The following IL22RA1 variants were observed in gnomAD, a reference collection of about 807,000 sequenced individuals.
The protein encoded by IL22RA1 is interleukin-22 receptor subunit alpha-1.
IL22RA1 carries 25 observed loss-of-function variants against 32.8 expected under a neutral mutation model. The ratio of observed to expected loss-of-function variants is 0.76; its 90% CI spans 0.55 to 1.06. IL22RA1 has a LOEUF of 1.06. Among genes scored for constraint, IL22RA1 ranks in the 50% least tolerant of loss-of-function variants. The pLI is 0.00. For missense variants in IL22RA1, 709 were observed against 727.4 expected (o/e 0.97, Z 0.29); for synonymous variants, 305 against 305.0 (o/e 1.00, Z 0.00).
intron 1 of IL22RA1, among the ~76,000 whole-genome samples, chr1:24,140,905 C>T (rs1398229804): frequency 1.3e-5 from 2 of 152,256 alleles, no homozygotes; most frequent in African/African-American, 4.8e-5. Context: ...GACACGTCTA[C>T]GACTGCCAGT....
rs142059608 is a variant in IL22RA1 at position 24,142,965 on chromosome 1, G to A, written c.43+75C>T. ...AACTGGCTATGCTCGGGCTGGGGAG[G>A]GTGCTGGGGAGATGACCCTGATCGT... On this transcript the variant is annotated intron_variant, in intron 1 of 6. Transcript: ENST00000270800. 11,713 of 1,384,552 alleles carry A rather than the reference G, an allele frequency of 8.5e-3. 104 individuals carry two copies. Among genetic ancestry groups the A allele is most frequent in the Middle Eastern group, 0.02 (114 of 5,664 alleles). The allele number at this position is 1,384,552 out of a possible 1,614,324, so 85.8% of individuals were successfully genotyped here.
rs1644108260 is a variant in IL22RA1 at position 24,119,955 on chromosome 1, G to A, written c.*850C>T. 6.6e-6 allele frequency: 1 copy of A among 152,280 alleles called. No homozygotes were observed. The highest frequency in any genetic ancestry group is 1.5e-5 in the Non-Finnish European group (1 of 68,092). 9.4% of individuals were successfully genotyped at this position (152,280 alleles called of 1,614,324 possible). On this transcript the variant is annotated 3_prime_UTR_variant, in exon 7 of 7. Transcript: ENST00000270800. ...GTTTGAAGTCACACAGCTTGTGAGTGGTGAGGCTGGAATTTGAGCCCAGAT... is the reference window on the plus strand; with the variant it reads ...GTTTGAAGTCACACAGCTTGTGAGTAGTGAGGCTGGAATTTGAGCCCAGAT...
chr1:24,135,419 C>T (rs1644235006), intron 3 of IL22RA1, among the ~76,000 whole-genome samples: 1 of 151,996 alleles, frequency 6.6e-6, no homozygotes, highest in Non-Finnish European at 1.5e-5. Flanking sequence ...CTGAACAAGC[C>T]AGGTTAAAAA....
chr1:24,123,903 G>A (rs1644144375), intron 5 of IL22RA1, among the ~76,000 whole-genome samples: 1 of 152,202 alleles, frequency 6.6e-6, no homozygotes, highest in African/African-American at 2.4e-5. Flanking sequence ...ATAGCCACCT[G>A]TTGGTCATCC....
intron 5 of IL22RA1, among the ~76,000 whole-genome samples, chr1:24,127,313 C>CTT (rs763862843): frequency 1.4e-5 from 2 of 144,252 alleles, no homozygotes; most frequent in Admixed American, 6.9e-5. Flanking sequence ...GGGCAAGTCA[C>CTT]TTTTTTTTTT....
intron 6 of IL22RA1, among the ~76,000 whole-genome samples, chr1:24,122,311 G>A (rs1036087357): frequency 2.6e-5 from 4 of 151,280 alleles, no homozygotes; most frequent in Admixed American, 6.6e-5. Flanking sequence ...CGGCACTGGC[G>A]TCAGGTGGGG....
chr1:24,132,044 A>G (rs888212809), intron 4 of IL22RA1, among the ~76,000 whole-genome samples: 22 of 152,322 alleles, frequency 1.4e-4, no homozygotes, highest in African/African-American at 4.8e-4. Context: ...GGCTCCCCCA[A>G]CTACCGAAAG....
chr1:24,133,806 A>G (rs1644222558), intron 4 of IL22RA1, among the ~76,000 whole-genome samples: 1 of 152,246 alleles, frequency 6.6e-6, no homozygotes, highest in African/African-American at 2.4e-5. Context: ...AATTGATAAT[A>G]TACCTAATGC....
chr1:24,131,489 C>A (rs2148572893), intron 4 of IL22RA1, among the ~76,000 whole-genome samples: 1 of 152,238 alleles, frequency 6.6e-6, no homozygotes, highest in African/African-American at 2.4e-5. Context: ...ATAAAGTAGA[C>A]TTCAATACAA....
chr1:24,122,108 C>T (rs764955635), intron 6 of IL22RA1, among the ~76,000 whole-genome samples: 9 of 152,142 alleles, frequency 5.9e-5, no homozygotes, highest in Non-Finnish European at 1.0e-4. Flanking sequence ...GGGCCTAATA[C>T]AGGGTCAGGG....
intron 4 of IL22RA1, among the ~76,000 whole-genome samples, chr1:24,130,885 A>G (rs891981781): frequency 6.6e-6 from 1 of 152,102 alleles, no homozygotes; most frequent in Non-Finnish European, 1.5e-5. Flanking sequence ...TTGTATTTTT[A>G]GTAGAGATGG....
Position 24,121,580 on chromosome 1 carries a change from T to G in IL22RA1, c.950A>C (p.Gln317Pro). Residue 317 changes from glutamine to proline, a missense_variant, in exon 7 of 7, where the codon CAG (glutamine) becomes CCG (proline). Physicochemically the swap from Gln to Pro is moderately conservative, Grantham distance 76. Coordinates refer to ENST00000270800, the MANE Select transcript of IL22RA1 (RefSeq NM_021258.4). ...SGPREPAGAP[Q>P]RHSLSEITYL... ...GGTGATCTCGGACAGGCTATGCCGC[T>G]GTGGAGCTCCTGCGGGCTCCCTGGG... is the stretch of plus-strand genomic sequence containing the variant. 2 of 1,612,328 alleles carry G rather than the reference T, an allele frequency of 1.2e-6. No individual in the cohort carries two copies. The highest frequency in any genetic ancestry group is 2.2e-5 in the South Asian group (2 of 90,924).
At chr1:24,136,891 T>A (rs2148575000) in intron 3 of IL22RA1, among the ~76,000 whole-genome samples, 1 of 146,804 alleles carries the variant, frequency 6.8e-6, no homozygotes, top group East Asian at 2.0e-4. Context: ...AAGATAAGGG[T>A]GGTCTGAACT....
intron 4 of IL22RA1, among the ~76,000 whole-genome samples, chr1:24,130,333 G>A (rs1307139859): frequency 6.6e-6 from 1 of 152,154 alleles, no homozygotes; most frequent in Non-Finnish European, 1.5e-5. Context: ...AATGAGGGGA[G>A]AAAGCACAGA....
rs1182980211 is a variant in IL22RA1 at position 24,138,651 on chromosome 1, T to C, written c.107A>G (p.Glu36Gly). The C allele has an allele frequency of 6.2e-7, 1 of 1,614,064 alleles. No individual in the cohort carries two copies. The highest frequency in any genetic ancestry group is 1.3e-5 in the African/African-American group (1 of 74,920). ...QHVKFQSSNFENILTWDSGPE... is the reference protein window; with the variant it reads ...QHVKFQSSNFGNILTWDSGPE... The stretch of plus-strand genomic sequence containing the variant: ...CCCGCTGTCCCACGTCAGGATGTTT[T>C]CAAAGTTGCTGGACTGGAATTTCAC... The change falls in exon 2 of 7, where the codon GAA (glutamate) becomes GGA (glycine). Residue 36 changes from glutamate (E) to glycine (G), a missense_variant. Coordinates refer to ENST00000270800, the MANE Select transcript of IL22RA1 (RefSeq NM_021258.4).
chr1:24,133,485 T>C (rs773544023), intron 4 of IL22RA1, among the ~76,000 whole-genome samples: 4 of 152,224 alleles, frequency 2.6e-5, no homozygotes, highest in Non-Finnish European at 5.9e-5. Context: ...ATGCTGAGGG[T>C]AGGGGGTACC....
rs1321841119 is a variant in IL22RA1 at position 24,121,443 on chromosome 1, A to C, written c.1087T>G (p.Ser363Ala). 3 of 1,546,848 alleles carry C rather than the reference A, an allele frequency of 1.9e-6. No individual in the cohort carries two copies. Among genetic ancestry groups the C allele is most frequent in the East Asian group, 4.5e-5 (2 of 44,138 alleles). Reference protein sequence around the residue: ...PNAAPEVGPPSYAPQVTPEAQ... With the variant: ...PNAAPEVGPPAYAPQVTPEAQ... Reference sequence around the variant, plus strand: ...TCGGGGGTCACCTGAGGTGCATAGGATGGGGGCCCGACCTCAGGGGCAGCG... The same window carrying C: ...TCGGGGGTCACCTGAGGTGCATAGGCTGGGGGCCCGACCTCAGGGGCAGCG... The change falls in exon 7 of 7, where the codon TCC becomes GCC. Residue 363 changes from serine to alanine, a missense_variant. Ser to Ala is a moderately conservative substitution (Grantham distance 99, BLOSUM62 1). Transcript: ENST00000270800.
At position 24,120,633 on chromosome 1, in the gene IL22RA1, G is replaced by A; in HGVS notation, c.*172C>T. 3.2e-6 allele frequency: 2 copies of A among 632,102 alleles called. No individual in the cohort carries two copies. The highest frequency in any genetic ancestry group is 4.7e-5 in the South Asian group (2 of 42,854). 39.2% of individuals were successfully genotyped at this position (632,102 alleles called of 1,614,324 possible). A position where few individuals can be genotyped will look rare whatever the true frequency, so the allele number is the denominator to read the frequency against. Reference sequence around the variant, plus strand: ...CCTTATCATGCTGCTTTGCTCCGGTGAGGAGCGCACCCATGGCAGGGGCCC... The same window carrying A: ...CCTTATCATGCTGCTTTGCTCCGGTAAGGAGCGCACCCATGGCAGGGGCCC... On this transcript the variant is annotated 3_prime_UTR_variant, in exon 7 of 7. Coordinates refer to ENST00000270800, the MANE Select transcript of IL22RA1 (RefSeq NM_021258.4).
Position 24,143,124 on chromosome 1 carries a change from T to TCCCTTG in IL22RA1, c.-43_-42insCAAGGG, listed in dbSNP as rs1557633465. The TCCCTTG allele has an allele frequency of 6.7e-7, 1 of 1,494,878 alleles. No individual in the cohort carries two copies. Among genetic ancestry groups the TCCCTTG allele is most frequent in the South Asian group, 1.1e-5 (1 of 87,318 alleles). 92.6% of individuals were successfully genotyped at this position (1,494,878 alleles called of 1,614,324 possible). Reference sequence around the variant, plus strand: ...CCCTCCCTTGGCCTCTACTCTGCCGTGCACAGAGAGAGGGCTGGGAGTCTT... The same window carrying TCCCTTG: ...CCCTCCCTTGGCCTCTACTCTGCCGTCCCTTGGCACAGAGAGAGGGCTGGGAGTCTT... On this transcript the variant is annotated 5_prime_UTR_variant, in exon 1 of 7. Coordinates refer to ENST00000270800, the MANE Select transcript of IL22RA1 (RefSeq NM_021258.4).
Sources: gnomAD v4.1 joint callset for allele counts (sites outside exome capture counted in the v4.1 genomes callset) on GRCh38, gnomAD v4.1.1 for gene constraint, MANE v1.5 for transcripts, NCBI Gene and HGNC (gene_info 2026-07-23, HGNC 2026-07-21) for gene names.